DRC8: variants seen among roughly 807,000 people sequenced by gnomAD.
The protein encoded by DRC8 is dynein regulatory complex protein 8.
At chr1:245,083,369 G>A in the DRC8 span, 1 of 1,395,902 alleles carries the variant, frequency 7.2e-7, no homozygotes, top group Admixed American at 1.7e-5. Flanking sequence ...AAAAGGGTTG[G>A]AGACTGCTGA....
chr1:244,989,783 G>T, the DRC8 span, among the ~76,000 whole-genome samples: 1 of 152,110 alleles, frequency 6.6e-6, no homozygotes, highest in Non-Finnish European at 1.5e-5. Context: ...CAGAAGATTT[G>T]TATCTTTTCT....
the DRC8 span, among the ~76,000 whole-genome samples, chr1:244,991,623 G>T: frequency 6.6e-6 from 1 of 152,032 alleles, no homozygotes; most frequent in Non-Finnish European, 1.5e-5. Context: ...TTTAATCCTC[G>T]TAACAGCCCT....
At chr1:244,970,490 AC>A in the DRC8 span, 1 of 1,519,174 alleles carries the variant, frequency 6.6e-7, no homozygotes, top group East Asian at 2.6e-5. Flanking sequence ...GCCCGCCGCG[AC>A]CCCGGGCTGC....
At chr1:244,999,599 G>A in the DRC8 span, among the ~76,000 whole-genome samples, 1 of 152,058 alleles carries the variant, frequency 6.6e-6, no homozygotes, top group Non-Finnish European at 1.5e-5. Flanking sequence ...TAGCTTTGAA[G>A]TATTTATTAT....
chr1:245,076,756 G>A, the DRC8 span, among the ~76,000 whole-genome samples: 1 of 143,042 alleles, frequency 7.0e-6, no homozygotes, highest in African/African-American at 2.6e-5. Flanking sequence ...GTGTTTTTTT[G>A]GAGACAGAAT....
the DRC8 span, chr1:244,970,585 C>T: frequency 5.7e-6 from 6 of 1,056,804 alleles, no homozygotes; most frequent in African/African-American, 3.6e-5. Context: ...AGGGGGCCAC[C>T]CGGCAGCAGC....
chr1:245,007,821 A>G, the DRC8 span, among the ~76,000 whole-genome samples: 10 of 152,148 alleles, frequency 6.6e-5, no homozygotes, highest in African/African-American at 2.4e-4. Flanking sequence ...AAGGGACTTC[A>G]AGATGGGTAA....
chr1:245,017,221 T>G, the DRC8 span: 3 of 1,579,530 alleles, frequency 1.9e-6, no homozygotes, highest in South Asian at 3.6e-5. Flanking sequence ...AACTAATTTT[T>G]ATTTACTTTG....
chr1:245,117,936 C>G, the DRC8 span, among the ~76,000 whole-genome samples: 2 of 152,002 alleles, frequency 1.3e-5, no homozygotes, highest in Non-Finnish European at 2.9e-5. Context: ...CCACTGCACT[C>G]CAGCCTGGGT....
At chr1:245,053,683 G>C in the DRC8 span, among the ~76,000 whole-genome samples, 1 of 152,180 alleles carries the variant, frequency 6.6e-6, no homozygotes. Flanking sequence ...TGTGATTCGA[G>C]ACTAGAGAGA....
chr1:245,099,568 C>T, the DRC8 span, among the ~76,000 whole-genome samples: 327 of 152,312 alleles, frequency 2.1e-3, 1 homozygote, highest in African/African-American at 7.2e-3. Flanking sequence ...CCTGCTCTCT[C>T]CAGACAGTTC....
At chr1:245,123,811 C>G in the DRC8 span, 1 of 155,014 alleles carries the variant, frequency 6.5e-6, no homozygotes, top group Non-Finnish European at 1.4e-5. The surrounding 1 kb of genome is among the most constrained non-coding windows in gnomAD (Gnocchi z 5.0). Flanking sequence ...TTTGGATTGG[C>G]AGCCCTGGAT....
At chr1:244,972,619 G>GCC in the DRC8 span, among the ~76,000 whole-genome samples, 1 of 152,136 alleles carries the variant, frequency 6.6e-6, no homozygotes, top group East Asian at 1.9e-4. Context: ...AAGAGATCGA[G>GCC]ACCATCCTGG....
chr1:244,972,837 CAAAA>C, the DRC8 span, among the ~76,000 whole-genome samples: 2 of 148,918 alleles, frequency 1.3e-5, no homozygotes, highest in African/African-American at 2.5e-5. Flanking sequence ...AAAACAAAAA[CAAAA>C]AACAAAGTTC....
At chr1:245,119,525 A>T in the DRC8 span, among the ~76,000 whole-genome samples, 2 of 152,086 alleles carry the variant, frequency 1.3e-5, no homozygotes, top group Non-Finnish European at 2.9e-5. Context: ...GTAACTGGGC[A>T]TGGTGATGCA....
chr1:244,995,064 A>G, the DRC8 span, among the ~76,000 whole-genome samples: 1 of 151,966 alleles, frequency 6.6e-6, no homozygotes, highest in African/African-American at 2.4e-5. Flanking sequence ...TTGTTTGTTT[A>G]AAAGAGACAG....
At chr1:245,025,143 A>G in the DRC8 span, among the ~76,000 whole-genome samples, 2 of 152,312 alleles carry the variant, frequency 1.3e-5, no homozygotes, top group African/African-American at 4.8e-5. Context: ...TAGTAGAATA[A>G]ATTTAGGTTC....
the DRC8 span, among the ~76,000 whole-genome samples, chr1:245,057,267 G>A: frequency 4.0e-4 from 61 of 152,246 alleles, 1 homozygote; most frequent in South Asian, 0.012. Context: ...AGCTTTAGGC[G>A]AAACTTATAT....
the DRC8 span, among the ~76,000 whole-genome samples, chr1:245,104,397 G>A: frequency 5.3e-5 from 8 of 151,978 alleles, no homozygotes; most frequent in South Asian, 2.1e-4. Context: ...CCAGCTACTC[G>A]GGCAGCTGAG....
Sources: gnomAD v4.1 joint callset for allele counts (sites outside exome capture counted in the v4.1 genomes callset) on GRCh38, gnomAD v4.1.1 for gene constraint, Gnocchi (gnomAD v3.1) non-coding constraint, MANE v1.5 for transcripts, NCBI Gene and HGNC (gene_info 2026-07-23, HGNC 2026-07-21) for gene names.